The following TSPAN12 variants were observed in gnomAD, a reference collection of about 807,000 sequenced individuals.
TSPAN12 encodes tetraspanin-12.
In TSPAN12, 19 loss-of-function variants were observed where a neutral mutation model predicts 39.2. The ratio of observed to expected loss-of-function variants is 0.49; its 90% CI spans 0.34 to 0.71. The LOEUF is 0.71. Ranked by LOEUF, TSPAN12 falls within the 30% of genes least tolerant of loss-of-function variation. The pLI is 0.01. For synonymous variants in TSPAN12, 119 were observed against 124.8 expected (o/e 0.95, Z 0.31); for missense variants, 314 against 359.9 (o/e 0.87, Z 1.03).
At chr7:120,858,275 G>A (rs1387486094), upstream of TSPAN12, 2 of 152,306 alleles carry the variant, frequency 1.3e-5, no homozygotes, top group Non-Finnish European at 2.9e-5. Flanking sequence ...TAGGAACTTG[G>A]GAGAAGTCCG....
chr7:120,810,034 A>G (rs1793947211), intron 6 of TSPAN12, among the ~76,000 whole-genome samples: 1 of 152,160 alleles, frequency 6.6e-6, no homozygotes, highest in African/African-American at 2.4e-5. Flanking sequence ...TGAACAGATC[A>G]TGCCATTAAT....
At chr7:120,800,371 G>A (rs1793743250) in intron 7 of TSPAN12, among the ~76,000 whole-genome samples, 1 of 152,078 alleles carries the variant, frequency 6.6e-6, no homozygotes, top group African/African-American at 2.4e-5. Context: ...TCTCTGCATT[G>A]TCCAATTTTA....
intron 7 of TSPAN12, among the ~76,000 whole-genome samples, chr7:120,802,746 A>G (rs561962237): frequency 1.6e-4 from 25 of 152,138 alleles, no homozygotes; most frequent in Admixed American, 5.9e-4. Flanking sequence ...AGATTTTTAA[A>G]CCTATACTTT....
intron 4 of TSPAN12, among the ~76,000 whole-genome samples, chr7:120,837,071 A>G (rs1794490803): frequency 6.6e-6 from 1 of 152,316 alleles, no homozygotes; most frequent in African/African-American, 2.4e-5. Flanking sequence ...CTGCGTTTTA[A>G]AAAAGAATTC....
At chr7:120,808,061 C>T (rs2116354038) in intron 6 of TSPAN12, among the ~76,000 whole-genome samples, 1 of 152,176 alleles carries the variant, frequency 6.6e-6, no homozygotes, top group South Asian at 2.1e-4. Flanking sequence ...CCAAGTCCAT[C>T]TTTTTAAATT....
chr7:120,852,855 AAG>A (rs576773917), intron 2 of TSPAN12, among the ~76,000 whole-genome samples: 10 of 149,878 alleles, frequency 6.7e-5, no homozygotes, highest in Admixed American at 1.3e-4. Context: ...ATCTAAAAAA[AAG>A]AGAGAGAGAG....
At chr7:120,814,669 C>A (rs536424112) in intron 5 of TSPAN12, among the ~76,000 whole-genome samples, 1 of 152,230 alleles carries the variant, frequency 6.6e-6, no homozygotes, top group Admixed American at 6.5e-5. Flanking sequence ...CCAGTGAGTG[C>A]AAGGGTGAAG....
At chr7:120,831,471 A>T (rs918659131) in intron 4 of TSPAN12, among the ~76,000 whole-genome samples, 1 of 152,058 alleles carries the variant, frequency 6.6e-6, no homozygotes, top group East Asian at 1.9e-4. Flanking sequence ...CCCTAAAAAA[A>T]CAAGGAAATT....
chr7:120,823,323 A>T (rs1002962722), intron 4 of TSPAN12, among the ~76,000 whole-genome samples: 1 of 152,088 alleles, frequency 6.6e-6, no homozygotes, highest in Non-Finnish European at 1.5e-5. Context: ...ATTCGATGAA[A>T]TGCCCAATAT....
At chr7:120,854,693 A>C (rs1794837007) in intron 2 of TSPAN12, among the ~76,000 whole-genome samples, 1 of 152,192 alleles carries the variant, frequency 6.6e-6, no homozygotes, top group South Asian at 2.1e-4. Flanking sequence ...ATGAGAAACT[A>C]ATTTAACAGC....
At chr7:120,856,382 TTC>T (rs1485382516) in intron 2 of TSPAN12, among the ~76,000 whole-genome samples, 1 of 152,186 alleles carries the variant, frequency 6.6e-6, no homozygotes, top group Admixed American at 6.5e-5. Context: ...AAACAAGCAG[TTC>T]CCTAAGTAGT....
chr7:120,792,864 A>G (rs909780980), intron 7 of TSPAN12, among the ~76,000 whole-genome samples: 1 of 152,246 alleles, frequency 6.6e-6, no homozygotes, highest in African/African-American at 2.4e-5. Context: ...TAAGACATGC[A>G]AAGAAACAAA....
chr7:120,814,373 C>T, intron 5 of TSPAN12: 1 of 419,028 alleles, frequency 2.4e-6, no homozygotes, highest in Non-Finnish European at 4.8e-6. Context: ...TCCCTGCCTT[C>T]CCCTCCATTC....
intron 4 of TSPAN12, among the ~76,000 whole-genome samples, chr7:120,824,340 G>C (rs1794243783): frequency 6.6e-6 from 1 of 151,876 alleles, no homozygotes; most frequent in African/African-American, 2.4e-5. Flanking sequence ...AACTCGAGAG[G>C]CTGAGGCAGG....
intron 7 of TSPAN12, among the ~76,000 whole-genome samples, chr7:120,800,433 C>T (rs1448715503): frequency 6.6e-6 from 1 of 152,136 alleles, no homozygotes; most frequent in Non-Finnish European, 1.5e-5. Context: ...ATTCTTCATA[C>T]TTGATCATCC....
chr7:120,814,154 C>T, intron 5 of TSPAN12: 1 of 455,910 alleles, frequency 2.2e-6, no homozygotes, highest in South Asian at 1.6e-5. Context: ...TCTCGAAGCA[C>T]AATAGTAGAT....
intron 5 of TSPAN12, chr7:120,814,220 G>C: frequency 2.2e-6 from 1 of 456,682 alleles, no homozygotes; most frequent in South Asian, 1.5e-5. Flanking sequence ...CTATTTTACT[G>C]TTCAATTGCC....
rs1234596885 is a variant in TSPAN12, at chr7:120,823,596, G to C, written c.286-7793C>G. On this transcript the variant is annotated intron_variant, in intron 4 of 7. Transcript: ENST00000222747. ...TGAGATAGGAAGTATGGTGGGTGAG[G>C]CACAGCAGGAAAGGGTGCCAGTTCT... Among the ~76,000 whole-genome samples, 3 of 152,084 alleles carry C rather than the reference G, an allele frequency of 2.0e-5. 1 individual carries two copies. The highest frequency in any genetic ancestry group is 2.0e-4 in the Admixed American group (3 of 15,234).
At chr7:120,811,949 T>C (rs1317667521) in intron 5 of TSPAN12, among the ~76,000 whole-genome samples, 3 of 152,084 alleles carry the variant, frequency 2.0e-5, no homozygotes, top group African/African-American at 7.2e-5. Context: ...TTGGGTACAG[T>C]GTACACTGCT....
Sources: allele counts gnomAD v4.1 joint callset (sites outside exome capture counted in the v4.1 genomes callset), GRCh38; gene constraint gnomAD v4.1.1; transcripts MANE v1.5; gene names NCBI Gene and HGNC (gene_info 2026-07-23, HGNC 2026-07-21).